The following PKIG variants were observed in gnomAD, a reference collection of about 807,000 sequenced individuals.
PKIG encodes protein kinase (cAMP-dependent, catalytic) inhibitor gamma.
A neutral mutation model predicts 6.8 loss-of-function variants in PKIG; 1 was observed. The observed-to-expected ratio is 0.15, with a 90% CI of 0.05 to 0.69. The LOEUF (loss-of-function observed/expected upper bound fraction) is 0.69, where lower values mean the gene tolerates loss of function less well. Among genes scored for constraint, PKIG ranks in the 30% least tolerant of loss-of-function variants. The probability of loss-of-function intolerance (pLI) is 0.82; values close to 1 mark genes in which losing one functional copy is unlikely to be tolerated. For missense variants in PKIG, 77 were observed against 104.0 expected (o/e 0.74, Z 1.13); for synonymous variants, 39 against 43.0 (o/e 0.91, Z 0.36).
intron 1 of PKIG, among the ~76,000 whole-genome samples, chr20:44,576,694 G>C (rs1427238258): frequency 6.6e-6 from 1 of 152,110 alleles, no homozygotes; most frequent in African/African-American, 2.4e-5. Context: ...CCTTTCAGCT[G>C]CAAAAATCAA....
intron 1 of PKIG, among the ~76,000 whole-genome samples, chr20:44,538,884 A>G (rs757414481): frequency 1.3e-5 from 2 of 151,698 alleles, no homozygotes; most frequent in African/African-American, 4.8e-5. Context: ...CAGCCTCATC[A>G]GTATCTGGAA....
intron 2 of PKIG, among the ~76,000 whole-genome samples, chr20:44,593,547 C>G (rs1265380483): frequency 1.3e-5 from 2 of 152,020 alleles, no homozygotes; most frequent in African/African-American, 4.8e-5. Flanking sequence ...TATGTGGAAT[C>G]TAAAAGAGTT....
chr20:44,583,280 G>A (rs1303707642), intron 1 of PKIG, among the ~76,000 whole-genome samples: 3 of 152,216 alleles, frequency 2.0e-5, no homozygotes, highest in Non-Finnish European at 4.4e-5. Flanking sequence ...CTCCAAGATG[G>A]AAAGGGGTTG....
intron 2 of PKIG, among the ~76,000 whole-genome samples, chr20:44,602,697 C>T (rs978149635): frequency 5.3e-5 from 8 of 151,830 alleles, no homozygotes; most frequent in African/African-American, 9.7e-5. Context: ...AAAAATTAGC[C>T]GGGTATGTTG....
chr20:44,556,158 T>G (rs983115249), intron 1 of PKIG, among the ~76,000 whole-genome samples: 6 of 152,078 alleles, frequency 3.9e-5, no homozygotes, highest in African/African-American at 1.2e-4. Context: ...AATTTAAAGT[T>G]TATTGCTGCT....
intron 2 of PKIG, among the ~76,000 whole-genome samples, chr20:44,609,634 C>T (rs2065195843): frequency 6.6e-6 from 1 of 152,242 alleles, no homozygotes; most frequent in Non-Finnish European, 1.5e-5. Context: ...CGGCCAGAAC[C>T]TGTTGGCTCA....
At chr20:44,594,142 C>CT (rs2065056724) in intron 2 of PKIG, among the ~76,000 whole-genome samples, 1 of 152,152 alleles carries the variant, frequency 6.6e-6, no homozygotes, top group Non-Finnish European at 1.5e-5. Context: ...TTCACTTGAG[C>CT]TTTTTTTAGC....
chr20:44,578,435 G>A (rs2064919011), upstream of PKIG, among the ~76,000 whole-genome samples: 1 of 151,904 alleles, frequency 6.6e-6, no homozygotes. Context: ...TGGCCAGGCT[G>A]TCTTGAACTC....
intron 1 of PKIG, among the ~76,000 whole-genome samples, chr20:44,553,241 G>C (rs1329937979): frequency 6.6e-6 from 1 of 152,064 alleles, no homozygotes; most frequent in Non-Finnish European, 1.5e-5. Context: ...TCCATCCCAG[G>C]AAAGGCTAAA....
intron 1 of PKIG, among the ~76,000 whole-genome samples, chr20:44,563,606 T>C (rs2064786204): frequency 6.6e-6 from 1 of 152,210 alleles, no homozygotes; most frequent in Admixed American, 6.5e-5. Context: ...CATAGCTCAT[T>C]GTAGCCTCAG....
intron 2 of PKIG, among the ~76,000 whole-genome samples, chr20:44,598,228 C>T (rs1391313728): frequency 6.6e-6 from 1 of 152,176 alleles, no homozygotes; most frequent in African/African-American, 2.4e-5. Context: ...CAGCTCAATG[C>T]TCTAGAGGCA....
At chr20:44,550,558 A>T (rs970400809) in intron 1 of PKIG, among the ~76,000 whole-genome samples, 1 of 152,158 alleles carries the variant, frequency 6.6e-6, no homozygotes, top group Non-Finnish European at 1.5e-5. Context: ...CCCTTGTTTG[A>T]TAAAAGGAAT....
chr20:44,582,185 G>A (rs908442367), upstream of PKIG, among the ~76,000 whole-genome samples: 1 of 152,130 alleles, frequency 6.6e-6, no homozygotes, highest in Non-Finnish European at 1.5e-5. Flanking sequence ...AAAGAGATGG[G>A]TGTGGGGTGG....
upstream of PKIG, among the ~76,000 whole-genome samples, chr20:44,580,462 C>T (rs1248518696): frequency 6.6e-6 from 1 of 152,100 alleles, no homozygotes; most frequent in Non-Finnish European, 1.5e-5. Flanking sequence ...TCTTCTGTCT[C>T]AGCCTCCCAA....
At position 44,614,963 on chromosome 20, in the gene PKIG, C is replaced by T. The variant is rs1279030556; in HGVS notation, c.151+256C>T. Among the ~76,000 whole-genome samples the T allele has an allele frequency of 6.6e-6, 1 of 152,196 alleles. No individual in the cohort carries two copies. The highest frequency in any genetic ancestry group is 1.5e-5 in the Non-Finnish European group (1 of 68,036). On this transcript the variant is annotated intron_variant, in intron 3 of 3. Coordinates refer to ENST00000372886, the MANE Select transcript of PKIG (RefSeq NM_001281445.2). The surrounding 1 kb of genome is among the most constrained non-coding windows in gnomAD (Gnocchi z 4.6). ...CTGCCCCCTAGCCCAGGTCCCTCCACTTCTCGCTATCCCCACAGCTATACC... is the reference window on the plus strand; with the variant it reads ...CTGCCCCCTAGCCCAGGTCCCTCCATTTCTCGCTATCCCCACAGCTATACC...
intron 1 of PKIG, among the ~76,000 whole-genome samples, chr20:44,538,633 T>G (rs1427381668): frequency 6.6e-6 from 1 of 152,144 alleles, no homozygotes; most frequent in African/African-American, 2.4e-5. Flanking sequence ...TACTTCAATA[T>G]ACACATCTAA....
chr20:44,613,563 TC>T (rs1340324425), intron 2 of PKIG, among the ~76,000 whole-genome samples: 4 of 152,166 alleles, frequency 2.6e-5, no homozygotes, highest in Non-Finnish European at 5.9e-5. Context: ...CCTTTGTTCT[TC>T]CATATGTCAG....
At chr20:44,545,835 A>G (rs903784052) in intron 1 of PKIG, among the ~76,000 whole-genome samples, 1 of 152,056 alleles carries the variant, frequency 6.6e-6, no homozygotes, top group Non-Finnish European at 1.5e-5. Flanking sequence ...ATATATATAC[A>G]TATATGTTTC....
At chr20:44,589,685 C>G (rs1423123729) in intron 1 of PKIG, 112 bp from the exon 2 acceptor site, 2 of 152,152 alleles carry the variant, frequency 1.3e-5, no homozygotes, top group African/African-American at 2.4e-5. Context: ...GATATGTATG[C>G]ACATTTAACA....
Sources: allele counts gnomAD v4.1 joint callset (sites outside exome capture counted in the v4.1 genomes callset), GRCh38; gene constraint gnomAD v4.1.1; non-coding constraint Gnocchi (gnomAD v3.1); transcripts MANE v1.5; gene names NCBI Gene and HGNC (gene_info 2026-07-23, HGNC 2026-07-21).